The following SNIP1 variants were observed in gnomAD, a reference collection of about 807,000 sequenced individuals.
The protein encoded by SNIP1 is smad nuclear-interacting protein 1.
In SNIP1, 23 loss-of-function variants were observed where a neutral mutation model predicts 37.4. The ratio of observed to expected loss-of-function variants is 0.61; its 90% CI spans 0.44 to 0.87. The LOEUF (loss-of-function observed/expected upper bound fraction) is 0.87, where lower values mean the gene tolerates loss of function less well. Ranked by LOEUF, SNIP1 falls within the 40% of genes least tolerant of loss-of-function variation. The probability of loss-of-function intolerance (pLI) is 0.00; values close to 1 mark genes in which losing one functional copy is unlikely to be tolerated. For synonymous variants in SNIP1, 174 were observed against 200.0 expected (o/e 0.87, Z 1.10); for missense variants, 459 against 540.4 (o/e 0.85, Z 1.49).
chr1:37,546,073 T>C (rs1380161207), intron 2 of SNIP1, among the ~76,000 whole-genome samples: 1 of 151,024 alleles, frequency 6.6e-6, no homozygotes, highest in Non-Finnish European at 1.5e-5. Context: ...GGGTCTCAAA[T>C]AGATACTTGA....
At chr1:37,551,162 C>T (rs1452408353) in intron 2 of SNIP1, among the ~76,000 whole-genome samples, 2 of 147,634 alleles carry the variant, frequency 1.4e-5, no homozygotes, top group South Asian at 2.1e-4. Context: ...ATGCAAATTA[C>T]GGGAAGCTGA....
At chr1:37,545,003 G>A in intron 2 of SNIP1, 1 of 764,880 alleles carries the variant, frequency 1.3e-6, no homozygotes, top group Non-Finnish European at 2.4e-6. Context: ...CTTCCTTCGG[G>A]ACTTCAAGAA....
At chr1:37,541,974 G>C (rs1643179788) in intron 2 of SNIP1, among the ~76,000 whole-genome samples, 2 of 151,802 alleles carry the variant, frequency 1.3e-5, no homozygotes, top group South Asian at 4.2e-4. Flanking sequence ...TCTTACTATC[G>C]ATCTTAGCAA....
chr1:37,540,761 A>G lies in SNIP1; in HGVS notation c.328-6T>C. On this transcript the variant is annotated splice_polypyrimidine_tract_variant and splice_region_variant and intron_variant, in intron 2 of 3. Transcript: ENST00000296215. The surrounding 1 kb of genome is among the most constrained non-coding windows in gnomAD (Gnocchi z 5.6). Reference sequence around the variant, plus strand: ...CGGGGATGATCCTCACGCTCCTAAAATTCAAACAGATTCTGTAATTTAAAC... The same window carrying G: ...CGGGGATGATCCTCACGCTCCTAAAGTTCAAACAGATTCTGTAATTTAAAC... 1 of 1,571,346 alleles carries G rather than the reference A, an allele frequency of 6.4e-7. No homozygotes were observed.
Position 37,550,049 on chromosome 1 carries a change from A to AAAAACAAAAC in SNIP1, c.327+2586_327+2595dup, listed in dbSNP as rs377334557. On this transcript the variant is annotated intron_variant, in intron 2 of 3. Coordinates refer to ENST00000296215, the MANE Select transcript of SNIP1 (RefSeq NM_024700.4). ...GTGGACATTCATAGGCAAAAAAAAC[A>AAAAACAAAAC]AAAACAAAACAAAACAAAACAAAAC... Among the ~76,000 whole-genome samples the AAAAACAAAAC allele has an allele frequency of 6.5e-4, 99 of 152,132 alleles. 1 individual carries two copies. Among genetic ancestry groups the AAAAACAAAAC allele is most frequent in the Non-Finnish European group, 2.4e-4 (16 of 67,980 alleles).
At chr1:37,549,122 A>G (rs1339026078) in intron 2 of SNIP1, 2 of 152,028 alleles carry the variant, frequency 1.3e-5, no homozygotes, top group Admixed American at 1.3e-4. Context: ...ACTAGAATAC[A>G]TTAGTTCAGC....
chr1:37,554,212 GC>G lies in SNIP1; in HGVS notation c.17del (p.Ser6ThrfsTer24). The part of the protein sequence containing the change: MKAVK[S>X]ERERGSRRRH... ...TTCGCCGGCTCCCTCGCTCCCGTTC[GC>G]TCTTCACCGCCTTCATTCTGTGATT... On this transcript the variant is annotated frameshift_variant, in exon 1 of 4. Coordinates refer to ENST00000296215, the MANE Select transcript of SNIP1 (RefSeq NM_024700.4). LOFTEE classifies it high-confidence loss of function. 4 of 1,604,184 alleles carry G rather than the reference GC, an allele frequency of 2.5e-6. No individual in the cohort carries two copies. The highest frequency in any genetic ancestry group is 3.4e-6 in the Non-Finnish European group (4 of 1,174,394).
intron 3 of SNIP1, 91 bp from the exon 4 acceptor site, chr1:37,538,103 C>G (rs535014791): frequency 7.2e-7 from 1 of 1,385,720 alleles, no homozygotes; most frequent in Admixed American, 2.8e-5. Flanking sequence ...GCCTAGATGA[C>G]GTAAATAACC....
chr1:37,547,233 A>G (rs184682359), intron 2 of SNIP1, among the ~76,000 whole-genome samples: 150 of 152,148 alleles, frequency 9.9e-4, no homozygotes, highest in Admixed American at 1.8e-3. Context: ...GGAAGAGAAG[A>G]GATAGAGAGA....
At position 37,540,476 on chromosome 1, in the gene SNIP1, G is replaced by A; in HGVS notation, c.607C>T (p.Gln203Ter). Residue 203 changes from glutamine (Q) to a stop codon, truncating the protein, a stop_gained, in exon 3 of 4, where the codon CAG becomes TAG. Transcript: ENST00000296215. LOFTEE classifies it high-confidence loss of function. The surrounding 1 kb of genome is among the most constrained non-coding windows in gnomAD (Gnocchi z 5.6). ...CCACCAGGCCGAGGAACCAACTCCTGAGACTCACTGCCGCCACCACCAACG... is the reference window on the plus strand; with the variant it reads ...CCACCAGGCCGAGGAACCAACTCCTAAGACTCACTGCCGCCACCACCAACG... ...NDVGGGGSESQELVPRPGGNN... is the reference protein window; with the variant it reads ...NDVGGGGSES 1 of 1,614,114 alleles carries A rather than the reference G, an allele frequency of 6.2e-7. No homozygotes were observed. Among genetic ancestry groups the A allele is most frequent in the Non-Finnish European group, 8.5e-7 (1 of 1,180,016 alleles).
Position 37,552,708 on chromosome 1 carries a change from T to G in SNIP1, c.264A>C (p.Arg88Ser), listed in dbSNP as rs1570031095. The G allele has an allele frequency of 6.2e-6, 10 of 1,614,032 alleles. 1 individual carries two copies. In the Middle Eastern group the frequency reaches 5.0e-4, roughly 80 times the overall value. The change falls in exon 2 of 4, where the codon AGA becomes AGC. Residue 88 changes from arginine to serine, a missense_variant. Transcript: ENST00000296215. ...PKKKNKASGR[R>S]SKSPRSKRNR... ...TTCTCTTACTGCGAGGAGACTTGCT[T>G]CTTCTCCCTGAGGCCTTGTTTTTCT...
rs1270003933 is a variant in SNIP1 at position 37,537,257 on chromosome 1, T to A, written c.*491A>T. 4 of 153,712 alleles carry A rather than the reference T, an allele frequency of 2.6e-5. No individual in the cohort carries two copies. Among genetic ancestry groups the A allele is most frequent in the Non-Finnish European group, 5.8e-5 (4 of 68,826 alleles). 9.5% of individuals were successfully genotyped at this position (153,712 alleles called of 1,614,324 possible). ...CAAGAGCTCAAACAAGTCAAAGCTTTGGTATATACTGGAGGTTGTTTTGGT... is the reference window on the plus strand; with the variant it reads ...CAAGAGCTCAAACAAGTCAAAGCTTAGGTATATACTGGAGGTTGTTTTGGT... On this transcript the variant is annotated 3_prime_UTR_variant, in exon 4 of 4. Transcript: ENST00000296215.
At chr1:37,552,611 A>G (rs371239757) in intron 2 of SNIP1, 34 bp downstream of exon 2, 41 of 1,542,476 alleles carry the variant, frequency 2.7e-5, no homozygotes, top group Non-Finnish European at 3.2e-5. Flanking sequence ...AAGGCTCTCA[A>G]TTTGGACCCA....
chr1:37,547,642 G>A (rs760245176), intron 2 of SNIP1, among the ~76,000 whole-genome samples: 1 of 151,902 alleles, frequency 6.6e-6, no homozygotes, highest in Non-Finnish European at 1.5e-5. Context: ...GTTGAGGCAC[G>A]AGAATCGCTT....
At chr1:37,547,545 C>A (rs1050190049) in intron 2 of SNIP1, among the ~76,000 whole-genome samples, 16 of 151,300 alleles carry the variant, frequency 1.1e-4, no homozygotes, top group Admixed American at 7.9e-4. Context: ...ACCAGCCTGG[C>A]CAACATGGTG....
At position 37,554,175 on chromosome 1, in the gene SNIP1, C is replaced by T. The variant is rs770551363; in HGVS notation, c.55G>A (p.Gly19Arg). 1 of 1,612,368 alleles carries T rather than the reference C, an allele frequency of 6.2e-7. No individual in the cohort carries two copies. The highest frequency in any genetic ancestry group is 1.1e-5 in the South Asian group (1 of 90,936). The change falls in exon 1 of 4, where the codon GGG (glycine) becomes AGG (arginine). Residue 19 changes from glycine (G) to arginine (R), a missense_variant. Transcript: ENST00000296215. ...ACCCCCGCCGGCAGCACCACGTCCC[C>T]GTCCCGGTGTCTTCGCCGGCTCCCT... ...ERGSRRRHRD[G>R]DVVLPAGVVV...
chr1:37,546,391 C>T (rs567322799), intron 2 of SNIP1, among the ~76,000 whole-genome samples: 32 of 152,150 alleles, frequency 2.1e-4, no homozygotes, highest in Non-Finnish European at 3.7e-4. Flanking sequence ...TAAGCCATAA[C>T]GGCCGGGTGT....
rs1197422031 is a variant in SNIP1 at position 37,553,912 on chromosome 1, G to A, written c.224+94C>T. The stretch of plus-strand genomic sequence containing the variant: ...CTCAGGATTAAGTCCGGGCTGCTGC[G>A]CCCACCATTCAAAACCTGTTTCGGA... On this transcript the variant is annotated intron_variant, in intron 1 of 3. Transcript: ENST00000296215. 3.1e-6 allele frequency: 4 copies of A among 1,283,098 alleles called. No individual in the cohort carries two copies. In the Admixed American group the frequency reaches 6.2e-5, roughly 20 times the overall value. The allele number at this position is 1,283,098 out of a possible 1,614,324, so 79.5% of individuals were successfully genotyped here. A position where few individuals can be genotyped will look rare whatever the true frequency, so the allele number is the denominator to read the frequency against.
intron 3 of SNIP1, among the ~76,000 whole-genome samples, chr1:37,538,623 T>C (rs1021260110): frequency 7.3e-5 from 11 of 150,956 alleles, no homozygotes; most frequent in Non-Finnish European, 1.6e-4. Flanking sequence ...GTTAAGAAAA[T>C]ACATTTTTTT....
Sources: gnomAD v4.1 joint callset for allele counts (sites outside exome capture counted in the v4.1 genomes callset) on GRCh38, gnomAD v4.1.1 for gene constraint, Gnocchi (gnomAD v3.1) non-coding constraint, MANE v1.5 for transcripts, NCBI Gene and HGNC (gene_info 2026-07-23, HGNC 2026-07-21) for gene names.